Variants in NCAPH observed in about 807,000 individuals in gnomAD.
NCAPH encodes condensin complex subunit 2.
A neutral mutation model predicts 85.5 loss-of-function variants in NCAPH; 38 were observed. That is an observed-to-expected ratio of 0.44 (90% CI 0.34 to 0.58). The LOEUF is 0.58. NCAPH is among the 20% of genes least tolerant of loss of function. The probability of loss-of-function intolerance (pLI) is 0.01; values close to 1 mark genes in which losing one functional copy is unlikely to be tolerated. For missense variants in NCAPH, 789 were observed against 916.6 expected, an observed-to-expected ratio of 0.86 and a Z score of 1.80; for synonymous variants, 301 against 335.1, an observed-to-expected ratio of 0.90 and a Z score of 1.11.
At chr2:96,335,952 C>T (rs1028667559) in intron 1 of NCAPH, 104 bp downstream of exon 1, 29 of 1,268,340 alleles carry the variant, frequency 2.3e-5, no homozygotes, top group East Asian at 6.3e-5. Context: ...AGAGGATATG[C>T]TCAGCTCGGG....
intron 13 of NCAPH, among the ~76,000 whole-genome samples, chr2:96,364,871 C>A (rs1203126298): frequency 2.6e-5 from 4 of 152,160 alleles, no homozygotes; most frequent in Admixed American, 1.3e-4. Flanking sequence ...TTAGCCTCTG[C>A]TACAAAGTAC....
rs1276170917 is a variant in NCAPH at position 96,375,663 on chromosome 2, CAG to C, written c.*2313_*2314del. The stretch of plus-strand genomic sequence containing the variant: ...GTTATAGCAGACAAATTGACTAAGA[CAG>C]TGGGTATGCAAGATAAGTTTATTTT... On this transcript the variant is annotated 3_prime_UTR_variant, in exon 18 of 18. Coordinates refer to ENST00000240423, the MANE Select transcript of NCAPH (RefSeq NM_015341.5). Among the ~76,000 whole-genome samples, 1 of 152,168 alleles carries C rather than the reference CAG, an allele frequency of 6.6e-6. No homozygotes were observed. The highest frequency in any genetic ancestry group is 2.4e-5 in the African/African-American group (1 of 41,440).
In NCAPH at chr2:96,342,070, C is replaced by T. The variant is rs2064303343; in HGVS notation, c.293C>T (p.Thr98Ile). The T allele has an allele frequency of 1.2e-6, 2 of 1,612,016 alleles. No individual in the cohort carries two copies. Among genetic ancestry groups the T allele is most frequent in the East Asian group, 4.5e-5 (2 of 44,874 alleles). The change falls in exon 3 of 18, where the codon ACT becomes ATT. Residue 98 changes from threonine to isoleucine, a missense_variant. Coordinates refer to ENST00000240423, the MANE Select transcript of NCAPH (RefSeq NM_015341.5). ...PSSRSIDISA[T>I]IPKFTNTQIT... is the part of the protein sequence containing the mutation. ...TTTAGGAGTATTGACATTTCAGCTA[C>T]TATCCCCAAGTTTACAAACACGCAG...
chr2:96,339,921 T>A (rs1471239983), intron 1 of NCAPH, among the ~76,000 whole-genome samples: 2 of 152,104 alleles, frequency 1.3e-5, no homozygotes, highest in Non-Finnish European at 2.9e-5. Flanking sequence ...TCTTTATTTT[T>A]ACTTATTTAT....
intron 6 of NCAPH, among the ~76,000 whole-genome samples, chr2:96,350,620 G>A (rs1200594234): frequency 6.6e-6 from 1 of 152,148 alleles, no homozygotes; most frequent in Non-Finnish European, 1.5e-5. Flanking sequence ...GCTGCCTGAG[G>A]GCTAAAGGGA....
At chr2:96,341,470 CT>C (rs1312892631) in intron 1 of NCAPH, 171 bp from the exon 2 acceptor site, 5 of 782,676 alleles carry the variant, frequency 6.4e-6, no homozygotes, top group Non-Finnish European at 8.1e-6. Flanking sequence ...GGCCTCCCCC[CT>C]GCACCTCCAA....
At position 96,341,630 on chromosome 2, in the gene NCAPH, A is replaced by C; in HGVS notation, c.20-12A>C. 5 of 1,605,730 alleles carry C rather than the reference A, an allele frequency of 3.1e-6. No homozygotes were observed. The highest frequency in any genetic ancestry group is 4.3e-6 in the Non-Finnish European group (5 of 1,174,300). On this transcript the variant is annotated splice_polypyrimidine_tract_variant and intron_variant, in intron 1 of 17. Coordinates refer to ENST00000240423, the MANE Select transcript of NCAPH (RefSeq NM_015341.5). The stretch of plus-strand genomic sequence containing the variant: ...TCTCTTGAAGGTTTCTTGAGCAAGA[A>C]TTTTGTTCCAGCACTGCCAGCCACA...
At position 96,374,434 on chromosome 2, in the gene NCAPH, G is replaced by A. The variant is rs1442371414; in HGVS notation, c.*1083G>A. 6.6e-6 allele frequency among the ~76,000 whole-genome samples: 1 copy of A among 152,198 alleles called. No individual in the cohort carries two copies. The highest frequency in any genetic ancestry group is 1.5e-5 in the Non-Finnish European group (1 of 68,038). Reference sequence around the variant, plus strand: ...GCTTGCAATTTGGAACAATATTATAGATGTTGATCCAAGTAGTTCTGTTAC... The same window carrying A: ...GCTTGCAATTTGGAACAATATTATAAATGTTGATCCAAGTAGTTCTGTTAC... On this transcript the variant is annotated 3_prime_UTR_variant, in exon 18 of 18. Transcript: ENST00000240423.
At chr2:96,348,075 T>C (rs1053808911) in intron 6 of NCAPH, among the ~76,000 whole-genome samples, 7 of 152,178 alleles carry the variant, frequency 4.6e-5, no homozygotes, top group Admixed American at 1.3e-4. Context: ...TGCTTAGCTG[T>C]TGACCTGGGA....
chr2:96,367,397 T>C (rs767506155), intron 15 of NCAPH, 24 bp downstream of exon 15: 4 of 1,566,352 alleles, frequency 2.6e-6, no homozygotes, highest in Admixed American at 1.7e-5. Context: ...GCCTGTTCTC[T>C]AGGTGCCCAG....
intron 17 of NCAPH, among the ~76,000 whole-genome samples, chr2:96,371,158 G>A (rs989076119): frequency 2.0e-5 from 3 of 152,206 alleles, no homozygotes; most frequent in African/African-American, 7.2e-5. Flanking sequence ...GAGGTGGGTG[G>A]TGTGCAGGCC....
At chr2:96,347,337 A>T (rs2064375807) in intron 6 of NCAPH, among the ~76,000 whole-genome samples, 1 of 147,072 alleles carries the variant, frequency 6.8e-6, no homozygotes, top group Non-Finnish European at 1.5e-5. Context: ...TTTTGTGCCT[A>T]CTCCTTCCCC....
At position 96,367,247 on chromosome 2, in the gene NCAPH, C is replaced by T. The variant is rs1027915565; in HGVS notation, c.1882-10C>T. On this transcript the variant is annotated splice_polypyrimidine_tract_variant and intron_variant, in intron 14 of 17. Transcript: ENST00000240423. The stretch of plus-strand genomic sequence containing the variant: ...CTGCTTAGTTTTACTTTGTCATATA[C>T]CTATTTCAGGTAAATAAAATTGAAA... 4.5e-6 allele frequency: 7 copies of T among 1,569,750 alleles called. No homozygotes were observed. The Admixed American group carries it at 1.0e-4, about 22-fold the overall frequency.
chr2:96,348,440 C>T (rs1368744610), intron 6 of NCAPH, among the ~76,000 whole-genome samples: 1 of 152,014 alleles, frequency 6.6e-6, no homozygotes, highest in East Asian at 1.9e-4. Context: ...CCGCCGCCCG[C>T]CTCGGCCTCC....
intron 6 of NCAPH, among the ~76,000 whole-genome samples, chr2:96,346,406 A>G (rs2064361769): frequency 6.6e-6 from 1 of 152,098 alleles, no homozygotes; most frequent in African/African-American, 2.4e-5. Flanking sequence ...AGTCAGCATT[A>G]TTTTGTGTCT....
intron 15 of NCAPH, 151 bp from the exon 16 acceptor site, chr2:96,368,821 C>G: frequency 1.6e-6 from 1 of 636,496 alleles, no homozygotes. Context: ...GGCACTGGTT[C>G]TCTTTGTAGA....
In NCAPH at chr2:96,375,304, A is replaced by G. The variant is rs908866459; in HGVS notation, c.*1953A>G. On this transcript the variant is annotated 3_prime_UTR_variant, in exon 18 of 18. Transcript: ENST00000240423. ...GCTTCTCCTAAGTTTCCCTCATTAC[A>G]TGGTTGCTGTGGGCTATGTGTGCTG... is the stretch of plus-strand genomic sequence containing the variant. 6.6e-6 allele frequency among the ~76,000 whole-genome samples: 1 copy of G among 151,966 alleles called. No individual in the cohort carries two copies. Among genetic ancestry groups the G allele is most frequent in the African/African-American group, 2.4e-5 (1 of 41,382 alleles).
rs916511285 is a variant in NCAPH, at chr2:96,360,380, T to C, written c.1464+131T>C. ...ATTCTTCCTTGTTCCTTAAACGCACTATTAAGAAATAGTCCTAAACTCAGT... is the reference window on the plus strand; with the variant it reads ...ATTCTTCCTTGTTCCTTAAACGCACCATTAAGAAATAGTCCTAAACTCAGT... On this transcript the variant is annotated intron_variant, in intron 11 of 17. Transcript: ENST00000240423. 20 of 794,138 alleles carry C rather than the reference T, an allele frequency of 2.5e-5. No homozygotes were observed. In the African/African-American group the frequency reaches 3.5e-4, roughly 14 times the overall value. The allele number at this position is 794,138 out of a possible 1,614,324, so 49.2% of individuals were successfully genotyped here. A position where few individuals can be genotyped will look rare whatever the true frequency, so the allele number is the denominator to read the frequency against.
chr2:96,345,259 G>C (rs532953000), intron 6 of NCAPH, among the ~76,000 whole-genome samples: 2 of 152,180 alleles, frequency 1.3e-5, no homozygotes, highest in Non-Finnish European at 2.9e-5. Flanking sequence ...AGCTTGGAGT[G>C]GGGGCCCCTC....
Sources: allele counts gnomAD v4.1 joint callset (sites outside exome capture counted in the v4.1 genomes callset), GRCh38; gene constraint gnomAD v4.1.1; transcripts MANE v1.5; gene names NCBI Gene and HGNC (gene_info 2026-07-23, HGNC 2026-07-21).